The following EGFLAM variants were observed in gnomAD, a reference collection of about 807,000 sequenced individuals.
EGFLAM encodes the protein pikachurin.
EGFLAM carries 79 observed loss-of-function variants against 113.1 expected under a neutral mutation model. The ratio of observed to expected loss-of-function variants is 0.70; its 90% CI spans 0.58 to 0.84. The LOEUF (loss-of-function observed/expected upper bound fraction) is 0.84. EGFLAM is among the 40% of genes least tolerant of loss of function. The probability of loss-of-function intolerance (pLI) is 0.00; values close to 1 mark genes in which losing one functional copy is unlikely to be tolerated. For missense variants in EGFLAM, 1,265 were observed against 1,291.6 expected, an observed-to-expected ratio of 0.98 and a Z score of 0.32; for synonymous variants, 504 against 487.6, an observed-to-expected ratio of 1.03 and a Z score of -0.44.
At chr5:38,302,709 C>CAAAAAA (rs56012054) in intron 1 of EGFLAM, among the ~76,000 whole-genome samples, 1 of 115,432 alleles carries the variant, frequency 8.7e-6, no homozygotes, top group Non-Finnish European at 1.9e-5. Flanking sequence ...GTCTGAGAAT[C>CAAAAAA]AAAAAAAAAA....
At chr5:38,386,289 C>G (rs919109850) in intron 6 of EGFLAM, among the ~76,000 whole-genome samples, 2 of 149,764 alleles carry the variant, frequency 1.3e-5, no homozygotes, top group Non-Finnish European at 3.0e-5. Flanking sequence ...CTCCACCTCC[C>G]GAGTTCAAGC....
chr5:38,463,669 G>C (rs1000683065), intron 21 of EGFLAM, among the ~76,000 whole-genome samples, 163 bp from the exon 22 acceptor site: 1 of 152,130 alleles, frequency 6.6e-6, no homozygotes, highest in Non-Finnish European at 1.5e-5. Flanking sequence ...ATTGAGAGAG[G>C]TGAGGTACTG....
At chr5:38,352,105 C>G in intron 4 of EGFLAM, 91 bp from the exon 5 acceptor site, 1 of 1,569,300 alleles carries the variant, frequency 6.4e-7, no homozygotes, top group Non-Finnish European at 8.7e-7. Context: ...TTAAACGTCT[C>G]CAATGGCTGA....
intron 1 of EGFLAM, among the ~76,000 whole-genome samples, chr5:38,309,739 A>G (rs1738368971): frequency 6.6e-6 from 1 of 152,168 alleles, no homozygotes; most frequent in Admixed American, 6.5e-5. Context: ...GAATGCTTAT[A>G]TTTCAGCCTA....
At chr5:38,325,483 C>T (rs1304423962) in intron 1 of EGFLAM, among the ~76,000 whole-genome samples, 1 of 152,120 alleles carries the variant, frequency 6.6e-6, no homozygotes, top group Non-Finnish European at 1.5e-5. Context: ...GGACAAGTGG[C>T]GACAGATTTA....
At chr5:38,349,773 G>A (rs201591286) in intron 3 of EGFLAM, among the ~76,000 whole-genome samples, 2,329 of 130,698 alleles carry the variant, frequency 0.018, 36 homozygotes, top group Non-Finnish European at 0.023. Flanking sequence ...AAGTACACAC[G>A]CACACACACA....
rs559590861 is a variant in EGFLAM at position 38,462,464 on chromosome 5, G to A, written c.2772-444G>A. ...GTGAGTTCCATCTGTGCTAACCCCT[G>A]CTCTTTCTCTTTGCTGTTGTTGCTT... On this transcript the variant is annotated intron_variant, in intron 20 of 21. Coordinates refer to ENST00000322350, the MANE Select transcript of EGFLAM (RefSeq NM_152403.4). The A allele has an allele frequency of 8.6e-4, 144 of 167,338 alleles. 1 individual carries two copies. The highest frequency in any genetic ancestry group is 3.3e-3 in the African/African-American group (140 of 41,944). The allele number at this position is 167,338 out of a possible 1,614,324, so 10.4% of individuals were successfully genotyped here.
chr5:38,435,332 C>A, intron 16 of EGFLAM, 79 bp downstream of exon 16: 1 of 1,047,776 alleles, frequency 9.5e-7, no homozygotes. Context: ...TCAGTGTCAT[C>A]TGCTGCACCC....
chr5:38,330,013 C>A (rs995669194), intron 1 of EGFLAM, among the ~76,000 whole-genome samples: 1 of 152,114 alleles, frequency 6.6e-6, no homozygotes, highest in Admixed American at 6.5e-5. Context: ...TAAATACTTT[C>A]CTACAGAATA....
At chr5:38,284,447 G>A (rs749343279) in intron 1 of EGFLAM, among the ~76,000 whole-genome samples, 33 of 152,318 alleles carry the variant, frequency 2.2e-4, no homozygotes, top group Admixed American at 4.6e-4. Context: ...GTGAATAAAT[G>A]TGCATGATTG....
At position 38,412,552 on chromosome 5, in the gene EGFLAM, C is replaced by A; in HGVS notation, c.1398C>A (p.Ile466=). Residue 466 remains isoleucine (I), a synonymous_variant, in exon 11 of 22, where the codon ATC becomes ATA. Coordinates refer to ENST00000322350, the MANE Select transcript of EGFLAM (RefSeq NM_152403.4). ...CCATCATCGTAAGTGAGACCAAAATCAAACTAGGGGGTTGGCACACGGTTA... is the reference window on the plus strand; with the variant it reads ...CCATCATCGTAAGTGAGACCAAAATAAAACTAGGGGGTTGGCACACGGTTA... ...GVAIIVSETK[I]KLGGWHTVML... is the part of the protein sequence containing the mutation. 6.2e-7 allele frequency: 1 copy of A among 1,614,164 alleles called. No homozygotes were observed. The highest frequency in any genetic ancestry group is 8.5e-7 in the Non-Finnish European group (1 of 1,180,034).
intron 19 of EGFLAM, among the ~76,000 whole-genome samples, chr5:38,453,047 G>A (rs894674310): frequency 6.6e-6 from 1 of 152,114 alleles, no homozygotes. Context: ...TTCCAAGTGT[G>A]GTCCCCAGAC....
At chr5:38,374,085 T>C (rs1740301380) in intron 6 of EGFLAM, among the ~76,000 whole-genome samples, 2 of 152,200 alleles carry the variant, frequency 1.3e-5, no homozygotes, top group South Asian at 4.1e-4. Flanking sequence ...GTGTAAGACA[T>C]CTCATTGTGG....
At chr5:38,334,367 T>C (rs1739130368) in intron 1 of EGFLAM, among the ~76,000 whole-genome samples, 1 of 152,158 alleles carries the variant, frequency 6.6e-6, no homozygotes, top group Non-Finnish European at 1.5e-5. Context: ...CACCAACAGA[T>C]TTGGTGTCTG....
At chr5:38,355,431 C>T (rs1030756751) in intron 5 of EGFLAM, among the ~76,000 whole-genome samples, 1 of 152,120 alleles carries the variant, frequency 6.6e-6, no homozygotes, top group African/African-American at 2.4e-5. Context: ...GGTGAGTGAG[C>T]CCTCCAAGAA....
At chr5:38,328,923 T>C (rs2246461) in intron 1 of EGFLAM, among the ~76,000 whole-genome samples, 57,722 of 151,768 alleles carry the variant, frequency 0.38, 15,073 homozygotes, top group African/African-American at 0.75. Flanking sequence ...TTTTATGATG[T>C]AGATTCCATT....
intron 3 of EGFLAM, 82 bp from the exon 4 acceptor site, chr5:38,350,419 G>C: frequency 7.3e-7 from 1 of 1,362,446 alleles, no homozygotes; most frequent in Non-Finnish European, 1.0e-6. Flanking sequence ...GGGGCCTCGA[G>C]ATATAAACCT....
At chr5:38,332,333 T>C (rs1015832772) in intron 1 of EGFLAM, among the ~76,000 whole-genome samples, 4 of 152,286 alleles carry the variant, frequency 2.6e-5, no homozygotes, top group South Asian at 2.1e-4. Context: ...GTTTGTTACA[T>C]AGGTAAATAC....
chr5:38,419,307 A>G (rs1306223697), intron 12 of EGFLAM, among the ~76,000 whole-genome samples: 1 of 152,192 alleles, frequency 6.6e-6, no homozygotes, highest in Non-Finnish European at 1.5e-5. Flanking sequence ...TCTCTATGAT[A>G]TCAGGACTCT....
Sources: allele counts gnomAD v4.1 joint callset (sites outside exome capture counted in the v4.1 genomes callset), GRCh38; gene constraint gnomAD v4.1.1; transcripts MANE v1.5; gene names NCBI Gene and HGNC (gene_info 2026-07-23, HGNC 2026-07-21).